HTR4: variants seen among roughly 807,000 people sequenced by gnomAD.
The protein encoded by HTR4 is 5-hydroxytryptamine (serotonin) receptor 4, G protein-coupled.
HTR4 carries 16 observed loss-of-function variants against 36.8 expected under a neutral mutation model. The ratio of observed to expected loss-of-function variants is 0.43; its 90% CI spans 0.29 to 0.66. The LOEUF is 0.66. HTR4 is among the 30% of genes least tolerant of loss of function. The pLI, the probability that HTR4 is intolerant of heterozygous loss-of-function variation, is 0.13. For synonymous variants in HTR4, 189 were observed against 185.1 expected, an observed-to-expected ratio of 1.02 and a Z score of -0.17; for missense variants, 438 against 490.9, an observed-to-expected ratio of 0.89 and a Z score of 1.02.
At chr5:148,583,177 C>A (rs1398240349) in intron 2 of HTR4, among the ~76,000 whole-genome samples, 1 of 151,396 alleles carries the variant, frequency 6.6e-6, no homozygotes, top group Admixed American at 6.6e-5. Flanking sequence ...GCCTTTTCTG[C>A]ATCTGTTGAG....
intron 2 of HTR4, among the ~76,000 whole-genome samples, chr5:148,564,971 A>G (rs931342672): frequency 6.6e-6 from 1 of 151,942 alleles, no homozygotes; most frequent in Non-Finnish European, 1.5e-5. Context: ...TTAGCCAGGC[A>G]TGGTGGCAGG....
chr5:148,528,323 A>T (rs1758387215), intron 4 of HTR4, among the ~76,000 whole-genome samples: 1 of 152,130 alleles, frequency 6.6e-6, no homozygotes, highest in South Asian at 2.1e-4. Context: ...AGTGGGATTG[A>T]GTATAGAACA....
At position 148,547,453 on chromosome 5, in the gene HTR4, A is replaced by G. The variant is rs191753238; in HGVS notation, c.353+1215T>C. Among the ~76,000 whole-genome samples the G allele has an allele frequency of 6.4e-4, 98 of 151,980 alleles. No homozygotes were observed. In the South Asian group the frequency reaches 7.5e-3, roughly 12 times the overall value. ...AGAATGGCGAGAACCCGGGAGGTGG[A>G]GCTTGCAGTGAGCCGAGATTGCGGC... On this transcript the variant is annotated intron_variant, in intron 4 of 6. Transcript: ENST00000377888.
Position 148,464,049 on chromosome 5 carries a change from A to G in HTR4, c.1077-12777T>C, listed in dbSNP as rs558920021. 2.6e-3 allele frequency among the ~76,000 whole-genome samples: 399 copies of G among 151,674 alleles called. 1 individual carries two copies. Among genetic ancestry groups the G allele is most frequent in the Non-Finnish European group, 4.4e-3 (301 of 67,866 alleles). ...CATTGACATGCAAAAAAAAAAAAAA[A>G]AAAGAATCTAGACACAGACCTTATA... is the stretch of plus-strand genomic sequence containing the variant. On this transcript the variant is annotated intron_variant, in intron 5 of 5. Transcript: ENST00000521530.
intron 2 of HTR4, among the ~76,000 whole-genome samples, chr5:148,574,209 T>C (rs1760793364): frequency 6.6e-6 from 1 of 152,056 alleles, no homozygotes; most frequent in Non-Finnish European, 1.5e-5. Context: ...TGGTGCTAAA[T>C]ATTTCTTTAT....
At chr5:148,490,067 G>A (rs1318358954) in intron 6 of HTR4, among the ~76,000 whole-genome samples, 1 of 151,540 alleles carries the variant, frequency 6.6e-6, no homozygotes, top group East Asian at 1.9e-4. Context: ...TCACCAAAAT[G>A]TGTGAATAGC....
intron 6 of HTR4, 76 bp from the exon 7 acceptor site, chr5:148,483,369 G>A: frequency 7.6e-7 from 1 of 1,320,212 alleles, no homozygotes; most frequent in Non-Finnish European, 1.1e-6. Flanking sequence ...GAGCCCACCT[G>A]CATGGCAGGA....
chr5:148,527,626 T>G (rs995272119), intron 4 of HTR4, among the ~76,000 whole-genome samples: 1 of 152,160 alleles, frequency 6.6e-6, no homozygotes, highest in Non-Finnish European at 1.5e-5. Context: ...CTTACACATT[T>G]TTTAATTTGA....
At chr5:148,572,583 C>A (rs971691549) in intron 2 of HTR4, among the ~76,000 whole-genome samples, 3 of 152,142 alleles carry the variant, frequency 2.0e-5, no homozygotes, top group Non-Finnish European at 2.9e-5. Context: ...AGCCTGCTCT[C>A]CTTCAATGAG....
rs1236183620 is a variant in HTR4, at chr5:148,509,893, G to A, written c.639C>T (p.Tyr213=). Residue 213 remains tyrosine, a synonymous_variant, in exon 6 of 7, where the codon TAC becomes TAT. Transcript: ENST00000377888. ...IPFLLMVLAY[Y]RIYVTAKEHA... ...GCTCCTTAGCTGTGACATAGATGCG[G>A]TAATAGGCCAGCACCATGAGGAGAA... The A allele has an allele frequency of 1.2e-6, 2 of 1,613,884 alleles. No homozygotes were observed. Among genetic ancestry groups the A allele is most frequent in the Admixed American group, 1.7e-5 (1 of 59,958 alleles).
intron 5 of HTR4, among the ~76,000 whole-genome samples, chr5:148,470,330 A>G (rs995964237): frequency 1.3e-5 from 2 of 152,200 alleles, no homozygotes; most frequent in African/African-American, 4.8e-5. Context: ...TCTACTTGAC[A>G]TATGAGGAAA....
chr5:148,558,289 T>C (rs1177763334), intron 2 of HTR4, among the ~76,000 whole-genome samples: 3 of 152,142 alleles, frequency 2.0e-5, no homozygotes, highest in Non-Finnish European at 4.4e-5. Context: ...AAGGTCCCTG[T>C]TGGTTTCTAT....
intron 6 of HTR4, among the ~76,000 whole-genome samples, chr5:148,507,119 C>T (rs987979012): frequency 3.9e-5 from 6 of 151,946 alleles, no homozygotes; most frequent in African/African-American, 1.5e-4. Context: ...CACTTGGAAC[C>T]AACCCAAATG....
chr5:148,468,184 T>A (rs1484335873), intron 5 of HTR4, among the ~76,000 whole-genome samples: 1 of 152,174 alleles, frequency 6.6e-6, no homozygotes, highest in African/African-American at 2.4e-5. Context: ...GTTAGCCAAC[T>A]GCCTGGCAGC....
chr5:148,493,213 C>T (rs796945265), intron 6 of HTR4, among the ~76,000 whole-genome samples: 34 of 152,238 alleles, frequency 2.2e-4, no homozygotes, highest in African/African-American at 7.7e-4. Flanking sequence ...GGACCAAGGC[C>T]GGCTTTGTGG....
intron 2 of HTR4, among the ~76,000 whole-genome samples, chr5:148,622,982 G>A (rs1752968621): frequency 6.6e-6 from 1 of 152,104 alleles, no homozygotes; most frequent in African/African-American, 2.4e-5. Context: ...AGTGAGGGAG[G>A]GACTAGGGGG....
chr5:148,526,660 T>C (rs1758290711), intron 4 of HTR4, among the ~76,000 whole-genome samples: 1 of 152,116 alleles, frequency 6.6e-6, no homozygotes, highest in Admixed American at 6.6e-5. Context: ...ATAGAAAATG[T>C]GGTATATATA....
At chr5:148,481,404 A>C (rs573950537), downstream of HTR4, 1 of 681,742 alleles carries the variant, frequency 1.5e-6, no homozygotes, top group South Asian at 1.8e-5. Flanking sequence ...CCCAGTCTAC[A>C]CAAAGAGCAT....
At chr5:148,547,573 AT>A (rs2113844312) in intron 4 of HTR4, among the ~76,000 whole-genome samples, 1 of 149,796 alleles carries the variant, frequency 6.7e-6, no homozygotes, top group Admixed American at 6.7e-5. Context: ...AAATAAATAA[AT>A]AAAAATAAAT....
Sources: gnomAD v4.1 joint callset for allele counts (sites outside exome capture counted in the v4.1 genomes callset) on GRCh38, gnomAD v4.1.1 for gene constraint, MANE v1.5 for transcripts, NCBI Gene and HGNC (gene_info 2026-07-23, HGNC 2026-07-21) for gene names.